PCNT: variants seen among roughly 807,000 people sequenced by gnomAD.
PCNT encodes kendrin.
In PCNT, 319 loss-of-function variants were observed where a neutral mutation model predicts 380.4. The ratio of observed to expected loss-of-function variants is 0.84; its 90% confidence interval spans 0.77 to 0.92. The LOEUF (loss-of-function observed/expected upper bound fraction) is 0.92. Among genes scored for constraint, PCNT ranks in the 40% least tolerant of loss-of-function variants. PCNT has a pLI of 0.00. For missense variants in PCNT, 4,400 were observed against 4,255.3 expected, an observed-to-expected ratio of 1.03 and a Z score of -0.95; for synonymous variants, 1,845 against 1,735.2, an observed-to-expected ratio of 1.06 and a Z score of -1.57.
chr21:46,436,518 A>C, intron 39 of PCNT, among the ~76,000 whole-genome samples: 2 of 101,662 alleles, frequency 2.0e-5, no homozygotes, highest in South Asian at 3.7e-4. Flanking sequence ...ACTCAAGGCC[A>C]CTCACACCCA....
intron 1 of PCNT, among the ~76,000 whole-genome samples, chr21:46,325,633 C>T (rs1601731228): frequency 6.6e-6 from 1 of 152,194 alleles, no homozygotes; most frequent in Non-Finnish European, 1.5e-5. Flanking sequence ...GTGTTCCATG[C>T]GTTTGTTTTT....
chr21:46,353,751 T>A lies in PCNT; in HGVS notation c.1680-236T>A, dbSNP rs74436888. On this transcript the variant is annotated intron_variant, in intron 10 of 46. Transcript: ENST00000359568. ...GTGTGTGTGTGTGTGTGTGTGTGTGTGAGAGAGACAGAGAGAGAGTCAGTG... is the reference window on the plus strand; with the variant it reads ...GTGTGTGTGTGTGTGTGTGTGTGTGAGAGAGAGACAGAGAGAGAGTCAGTG... Among the ~76,000 whole-genome samples the A allele has an allele frequency of 9.7e-3, 1,014 of 104,358 alleles. 9 individuals are homozygous for A. The highest frequency in any genetic ancestry group is 0.029 in the South Asian group (103 of 3,586). 68.5% of individuals were successfully genotyped at this position (104,358 alleles called of 152,430 possible). A position where few individuals can be genotyped will look rare whatever the true frequency, so the allele number is the denominator to read the frequency against.
chr21:46,421,683 G>A lies in PCNT; in HGVS notation c.7025-287G>A, dbSNP rs13053115. On this transcript the variant is annotated intron_variant, in intron 31 of 46. Transcript: ENST00000359568. ...TGTGGAGTCTTTGGGGGCCACGTCTGGAGAAGTGAGCAGAGGTCCCCTAAG... is the reference window on the plus strand; with the variant it reads ...TGTGGAGTCTTTGGGGGCCACGTCTAGAGAAGTGAGCAGAGGTCCCCTAAG... Among the ~76,000 whole-genome samples, 17,942 of 152,282 alleles carry A rather than the reference G, an allele frequency of 0.12. 1,178 individuals carry two copies. The highest frequency in any genetic ancestry group is 0.2 in the East Asian group (1,037 of 5,174).
At position 46,441,070 on chromosome 21, in the gene PCNT, C is replaced by T; in HGVS notation, c.9609C>T (p.Val3203=). The change falls in exon 43 of 47, where the codon GTC becomes GTT. Residue 3203 remains valine (V), a synonymous_variant. Coordinates refer to ENST00000359568, the MANE Select transcript of PCNT (RefSeq NM_006031.6). ...FTRFRTAVRV[V]IAILRLRFLV... is the part of the protein sequence containing the mutation. The stretch of plus-strand genomic sequence containing the variant: ...GGTTCCGCACGGCCGTCAGGGTGGT[C>T]ATTGCAATATTAAGGTAAATGCCAT... 2 of 1,609,786 alleles carry T rather than the reference C, an allele frequency of 1.2e-6. No homozygotes were observed. Among genetic ancestry groups the T allele is most frequent in the Non-Finnish European group, 1.7e-6 (2 of 1,176,058 alleles).
chr21:46,334,767 A>G lies in PCNT; in HGVS notation c.638A>G (p.Lys213Arg). ...GCAGAACAGCGTGGGATGTTCACAA[A>G]GGTATTCTTTAAGTTCTCTGTTAAG... ...HPAEQRGMFT[K>R]ECEQECELAI... Residue 213 changes from lysine to arginine, a missense_variant and splice_region_variant, in exon 3 of 47, where the codon AAG (lysine) becomes AGG (arginine). Coordinates refer to ENST00000359568, the MANE Select transcript of PCNT (RefSeq NM_006031.6). The G allele has an allele frequency of 6.2e-7, 1 of 1,614,200 alleles. No individual in the cohort carries two copies. Among genetic ancestry groups the G allele is most frequent in the East Asian group, 2.2e-5 (1 of 44,890 alleles).
intron 38 of PCNT, among the ~76,000 whole-genome samples, chr21:46,433,815 A>C (rs2087863473): frequency 6.6e-6 from 1 of 152,076 alleles, no homozygotes; most frequent in Admixed American, 6.5e-5. Context: ...TCTGTCTTCC[A>C]AGCTGGAGTG....
At chr21:46,444,126 G>A (rs2053687253) in intron 45 of PCNT, among the ~76,000 whole-genome samples, 178 bp downstream of exon 45, 1 of 152,250 alleles carries the variant, frequency 6.6e-6, no homozygotes, top group South Asian at 2.1e-4. Flanking sequence ...GGGAGGACCT[G>A]GCTTTTCTGG....
At chr21:46,415,322 G>A (rs969314287) in intron 29 of PCNT, among the ~76,000 whole-genome samples, 7 of 151,756 alleles carry the variant, frequency 4.6e-5, no homozygotes, top group Admixed American at 6.6e-5. Flanking sequence ...CATCTCCTGC[G>A]GCAAACAGTC....
intron 41 of PCNT, among the ~76,000 whole-genome samples, chr21:46,439,094 A>T (rs1475093770): frequency 6.6e-6 from 1 of 151,540 alleles, no homozygotes; most frequent in Non-Finnish European, 1.5e-5. Flanking sequence ...ATAACTTTTT[A>T]AAAATTATTT....
rs569529818 is a variant in PCNT, at chr21:46,388,531, G to A, written c.3465-211G>A. On this transcript the variant is annotated intron_variant, in intron 17 of 46. Transcript: ENST00000359568. This position sits in a 1 kb window ranked among gnomAD's most constrained non-coding sequence, Gnocchi z 4.2. ...AGGAAGACCTCACCTAGGAAAGCCC[G>A]TGTCCCTGAGTGGGCTCCACGTGGT... 2.2e-3 allele frequency among the ~76,000 whole-genome samples: 331 copies of A among 152,346 alleles called. 2 individuals carry two copies. The highest frequency in any genetic ancestry group is 7.6e-3 in the African/African-American group (317 of 41,584).
intron 2 of PCNT, 25 bp downstream of exon 2, chr21:46,326,614 G>T (rs753303449): frequency 1.0e-5 from 16 of 1,594,842 alleles, no homozygotes; most frequent in Admixed American, 3.3e-5. Context: ...TGTTGTATTT[G>T]AACATTTCGC....
intron 15 of PCNT, among the ~76,000 whole-genome samples, chr21:46,376,089 C>T (rs2085325417): frequency 6.6e-6 from 1 of 152,080 alleles, no homozygotes; most frequent in Non-Finnish European, 1.5e-5. Flanking sequence ...CTGCCCTCTA[C>T]CCTCTCCGTC....
chr21:46,331,039 T>C (rs1011103191), intron 2 of PCNT, among the ~76,000 whole-genome samples: 6 of 139,834 alleles, frequency 4.3e-5, no homozygotes, highest in African/African-American at 9.8e-5. Context: ...TGTGTGTGTG[T>C]GAGAGTGTGT....
chr21:46,346,112 T>C lies in PCNT; in HGVS notation c.640-16T>C, dbSNP rs770542621. 1.2e-6 allele frequency: 2 copies of C among 1,613,046 alleles called. No homozygotes were observed. Among genetic ancestry groups the C allele is most frequent in the Admixed American group, 3.3e-5 (2 of 60,022 alleles). ...ATGTGAATTCTGGACCTACATTCTT[T>C]GCCTTTTTTCCCCAGGAGTGTGAAC... On this transcript the variant is annotated splice_polypyrimidine_tract_variant and intron_variant, in intron 3 of 46. Coordinates refer to ENST00000359568, the MANE Select transcript of PCNT (RefSeq NM_006031.6).
Position 46,326,448 on chromosome 21 carries a change from G to GGAGC in PCNT, c.127_128insAGCG (p.Gly43GlufsTer35), listed in dbSNP as rs1392431893. On this transcript the variant is annotated frameshift_variant, in exon 2 of 47. Coordinates refer to ENST00000359568, the MANE Select transcript of PCNT (RefSeq NM_006031.6). LOFTEE classifies it high-confidence loss of function. ...CGGAGAAAAAGACGGCGAAGAGGAAGGGCTCGGCTGTCGATGCGTCTGTCC... is the reference window on the plus strand; with the variant it reads ...CGGAGAAAAAGACGGCGAAGAGGAAGGAGCGGCTCGGCTGTCGATGCGTCTGTCC... 6.2e-7 allele frequency: 1 copy of GGAGC among 1,614,116 alleles called. No homozygotes were observed. Among genetic ancestry groups the GGAGC allele is most frequent in the African/African-American group, 1.3e-5 (1 of 74,940 alleles).
At chr21:46,386,026 C>T in intron 17 of PCNT, 43 bp downstream of exon 17, 1 of 1,611,058 alleles carries the variant, frequency 6.2e-7, no homozygotes, top group South Asian at 1.1e-5. Flanking sequence ...TGGCCGCCAG[C>T]ACCCGCTGGG....
chr21:46,435,745 T>C (rs1236201232), intron 38 of PCNT, among the ~76,000 whole-genome samples, 159 bp from the exon 39 acceptor site: 2 of 152,078 alleles, frequency 1.3e-5, no homozygotes, highest in African/African-American at 2.4e-5. Context: ...GGTTTCACTG[T>C]GTTGGCCAGC....
chr21:46,335,710 A>G (rs2083713048), intron 3 of PCNT, among the ~76,000 whole-genome samples: 1 of 145,434 alleles, frequency 6.9e-6, no homozygotes, highest in East Asian at 2.0e-4. Flanking sequence ...TTTTTTAAAT[A>G]GAGACGGAGT....
rs2086776243 is a variant in PCNT at position 46,411,333 on chromosome 21, T to C, written c.5260T>C (p.Ser1754Pro). Reference protein sequence around the residue: ...EVIEKLQHELSLMGPVVHEVS... With the variant: ...EVIEKLQHELPLMGPVVHEVS... ...CATTGAGAAGCTGCAGCACGAGCTG[T>C]CCCTCATGGGGCCTGTGGTGCACGA... Residue 1754 changes from serine (S) to proline (P), a missense_variant, in exon 28 of 47, where the codon TCC becomes CCC. Physicochemically the swap from Ser to Pro is moderately conservative, Grantham distance 74. Transcript: ENST00000359568. The C allele has an allele frequency of 2.5e-6, 4 of 1,614,202 alleles. No homozygotes were observed. The highest frequency in any genetic ancestry group is 3.4e-6 in the Non-Finnish European group (4 of 1,180,044).
Sources: allele counts gnomAD v4.1 joint callset (sites outside exome capture counted in the v4.1 genomes callset), GRCh38; gene constraint gnomAD v4.1.1; non-coding constraint Gnocchi (gnomAD v3.1); transcripts MANE v1.5; gene names NCBI Gene and HGNC (gene_info 2026-07-23, HGNC 2026-07-21).